The following BBS12 variants were observed in gnomAD, a reference collection of about 807,000 sequenced individuals.
The protein encoded by BBS12 is Bardet-Biedl syndrome 12.
In BBS12, 5 loss-of-function variants were observed where a neutral mutation model predicts 5.6. That is an observed-to-expected ratio of 0.89 (90% CI 0.46 to 1.86). BBS12 has a LOEUF of 1.86. BBS12 is among the 40% of genes most tolerant of loss of function. The probability of loss-of-function intolerance (pLI) is 0.01; values close to 1 mark genes in which losing one functional copy is unlikely to be tolerated. For missense variants in BBS12, 748 were observed against 830.4 expected (o/e 0.90, Z 1.22); for synonymous variants, 308 against 306.8 (o/e 1.00, Z -0.04).
At chr4:122,722,706 C>T in the BBS12 span, among the ~76,000 whole-genome samples, 2 of 152,078 alleles carry the variant, frequency 1.3e-5, no homozygotes, top group Non-Finnish European at 2.9e-5. Flanking sequence ...ACAATTGTGT[C>T]GATGTTTGTA....
At chr4:122,727,060 A>G in the BBS12 span, among the ~76,000 whole-genome samples, 1 of 151,888 alleles carries the variant, frequency 6.6e-6, no homozygotes, top group Non-Finnish European at 1.5e-5. Flanking sequence ...TCATATAACC[A>G]AATACCACCT....
chr4:122,703,730 G>T, the BBS12 span, among the ~76,000 whole-genome samples: 1 of 152,164 alleles, frequency 6.6e-6, no homozygotes, highest in African/African-American at 2.4e-5. Context: ...CTGAGATGAA[G>T]AAATAGGGAT....
At chr4:122,720,091 G>A in the BBS12 span, among the ~76,000 whole-genome samples, 3 of 152,076 alleles carry the variant, frequency 2.0e-5, no homozygotes, top group Admixed American at 6.5e-5. Flanking sequence ...ACTTTTAAAA[G>A]TACAATAATA....
rs1307983717 is a variant in BBS12 at position 122,743,771 on chromosome 4, A to G, written c.1879A>G (p.Thr627Ala). The G allele has an allele frequency of 1.2e-6, 2 of 1,614,086 alleles. No individual in the cohort carries two copies. The highest frequency in any genetic ancestry group is 1.3e-5 in the African/African-American group (1 of 74,948). ...TYIQHHLQNA[T>A]DSGSPSSYIL... ...CATTCAACATCATCTGCAAAATGCC[A>G]CAGACTCTGGCTCTCCTTCATCTTA... Residue 627 changes from threonine to alanine, a missense_variant, in exon 2 of 2, where the codon ACA (threonine) becomes GCA (alanine). By Grantham distance (58) the Thr-to-Ala change is moderately conservative (BLOSUM62 0). Coordinates refer to ENST00000314218, the MANE Select transcript of BBS12 (RefSeq NM_152618.3).
the BBS12 span, among the ~76,000 whole-genome samples, chr4:122,724,299 A>G: frequency 2.0e-5 from 3 of 152,200 alleles, no homozygotes. Context: ...GCTCGTTCAC[A>G]TGGTTGTTGG....
At chr4:122,717,877 A>C in the BBS12 span, among the ~76,000 whole-genome samples, 1 of 152,202 alleles carries the variant, frequency 6.6e-6, no homozygotes, top group Non-Finnish European at 1.5e-5. Flanking sequence ...TCTCCCATTT[A>C]AAAGATAACT....
Position 122,741,892 on chromosome 4 carries a change from C to T in BBS12, c.-1C>T. 6.2e-7 allele frequency: 1 copy of T among 1,613,724 alleles called. No homozygotes were observed. ...TTTATTTTGTTTGCAGATCATGATA[C>T]ATGGTGATGGCTTGCAGAGTCGTAA... On this transcript the variant is annotated 5_prime_UTR_variant, in exon 2 of 2. Transcript: ENST00000314218.
At chr4:122,708,001 T>TC in the BBS12 span, among the ~76,000 whole-genome samples, 1 of 119,334 alleles carries the variant, frequency 8.4e-6, no homozygotes, top group Non-Finnish European at 1.9e-5. Context: ...TCTCTTTCTC[T>TC]CTTTTTTTTC....
chr4:122,714,562 A>T, the BBS12 span, among the ~76,000 whole-genome samples: 69,387 of 151,668 alleles, frequency 0.46, 17,711 homozygotes, highest in African/African-American at 0.67. Context: ...GGCGCATCAC[A>T]TGAGGTCAGG....
the BBS12 span, among the ~76,000 whole-genome samples, chr4:122,710,355 T>C: frequency 6.6e-6 from 1 of 152,222 alleles, no homozygotes; most frequent in African/African-American, 2.4e-5. Context: ...CAGGAGAAAC[T>C]GGAAAGCCAT....
chr4:122,710,369 A>G, the BBS12 span, among the ~76,000 whole-genome samples: 2 of 152,230 alleles, frequency 1.3e-5, no homozygotes, highest in African/African-American at 4.8e-5. Flanking sequence ...AAGCCATTCA[A>G]CTTCCCGTGT....
At chr4:122,710,883 G>A in the BBS12 span, among the ~76,000 whole-genome samples, 11 of 152,090 alleles carry the variant, frequency 7.2e-5, no homozygotes, top group East Asian at 5.8e-4. Flanking sequence ...CAGTTGCCAC[G>A]GAAATGAGAG....
Position 122,735,858 on chromosome 4 carries a change from G to T in BBS12, c.-11+2974G>T, listed in dbSNP as rs541386239. On this transcript the variant is annotated intron_variant, in intron 1 of 1. Coordinates refer to ENST00000314218, the MANE Select transcript of BBS12 (RefSeq NM_152618.3). ...TATTTTATAAGGGAATAAGTGTTAT[G>T]GGAAAAAGAAAGTATAACAGATGGA... Among the ~76,000 whole-genome samples the T allele has an allele frequency of 4.5e-4, 68 of 152,226 alleles. 1 individual carries two copies. The highest frequency in any genetic ancestry group is 3.7e-3 in the South Asian group (18 of 4,820).
the BBS12 span, among the ~76,000 whole-genome samples, chr4:122,708,594 A>T: frequency 4.6e-5 from 7 of 152,134 alleles, no homozygotes; most frequent in African/African-American, 1.4e-4. Flanking sequence ...TCATAGTAAA[A>T]TTTTTTTAAA....
At chr4:122,716,049 C>T in the BBS12 span, among the ~76,000 whole-genome samples, 368 of 152,274 alleles carry the variant, frequency 2.4e-3, 4 homozygotes, top group African/African-American at 8.5e-3. Context: ...TGTGGCTCTA[C>T]ATTAGAAACC....
chr4:122,725,361 C>G, the BBS12 span, among the ~76,000 whole-genome samples: 1 of 152,168 alleles, frequency 6.6e-6, no homozygotes, highest in Non-Finnish European at 1.5e-5. Flanking sequence ...GGATTTCAAA[C>G]TATACTATAA....
the BBS12 span, among the ~76,000 whole-genome samples, chr4:122,702,424 C>G: frequency 6.6e-6 from 1 of 152,204 alleles, no homozygotes; most frequent in African/African-American, 2.4e-5. Context: ...CCACTCTGTT[C>G]TTAATTTGTC....
At chr4:122,724,467 T>C in the BBS12 span, among the ~76,000 whole-genome samples, 3 of 152,244 alleles carry the variant, frequency 2.0e-5, no homozygotes, top group East Asian at 3.8e-4. Flanking sequence ...CTGTGATCTT[T>C]GACTAAAATT....
the BBS12 span, among the ~76,000 whole-genome samples, chr4:122,705,571 C>T: frequency 6.6e-6 from 1 of 152,224 alleles, no homozygotes; most frequent in Non-Finnish European, 1.5e-5. Flanking sequence ...CCTTGGACTG[C>T]ATTTGCTAAA....
Sources: allele counts gnomAD v4.1 joint callset (sites outside exome capture counted in the v4.1 genomes callset), GRCh38; gene constraint gnomAD v4.1.1; transcripts MANE v1.5; gene names NCBI Gene and HGNC (gene_info 2026-07-23, HGNC 2026-07-21).